The following WDPCP variants were observed in gnomAD, a reference collection of about 807,000 sequenced individuals.
WDPCP encodes WD repeat containing planar cell polarity effector.
WDPCP carries 71 observed loss-of-function variants against 93.1 expected under a neutral mutation model. The observed-to-expected ratio is 0.76, with a 90% CI of 0.63 to 0.93. The LOEUF (loss-of-function observed/expected upper bound fraction) is 0.93. Ranked by LOEUF, WDPCP falls within the 40% of genes least tolerant of loss-of-function variation. The pLI is 0.00. For missense variants in WDPCP, 844 were observed against 887.4 expected, an observed-to-expected ratio of 0.95 and a Z score of 0.62; for synonymous variants, 315 against 315.0, an observed-to-expected ratio of 1.00 and a Z score of 0.00.
chr2:63,153,616 AAG>A (rs747431166), intron 15 of WDPCP, 42 bp from the exon 16 acceptor site: 24 of 1,484,002 alleles, frequency 1.6e-5, no homozygotes, highest in Non-Finnish European at 1.9e-5. Flanking sequence ...AGGATTAAAA[AAG>A]AAAATTTTAA....
intron 12 of WDPCP, among the ~76,000 whole-genome samples, chr2:63,313,884 A>ATT (rs1165930717): frequency 1.2e-3 from 10 of 8,026 alleles, no homozygotes; most frequent in South Asian, 4.7e-3. Context: ...ATATATATAT[A>ATT]TATTTTTTTT....
intron 1 of WDPCP, among the ~76,000 whole-genome samples, chr2:63,547,011 C>T (rs1413314746): frequency 6.6e-6 from 1 of 151,480 alleles, no homozygotes; most frequent in Non-Finnish European, 1.5e-5. Context: ...GAATTAATTC[C>T]AGATTAGAGA....
intron 2 of WDPCP, among the ~76,000 whole-genome samples, chr2:63,701,385 T>G (rs1669047266): frequency 1.3e-5 from 2 of 152,170 alleles, no homozygotes; most frequent in South Asian, 4.1e-4. Flanking sequence ...AAGGAGAACC[T>G]TCATACACCG....
intron 13 of WDPCP, among the ~76,000 whole-genome samples, chr2:63,273,825 AC>A (rs1682856330): frequency 6.9e-6 from 1 of 144,940 alleles, no homozygotes; most frequent in African/African-American, 2.4e-5. Flanking sequence ...ACACACACAC[AC>A]GCACACACAC....
intron 1 of WDPCP, among the ~76,000 whole-genome samples, chr2:63,549,361 A>T (rs1327390351): frequency 6.6e-6 from 1 of 152,178 alleles, no homozygotes; most frequent in Non-Finnish European, 1.5e-5. Flanking sequence ...GAAATAATAA[A>T]ATTAGCAGAA....
At chr2:63,548,313 T>TA (rs1705310259) in intron 1 of WDPCP, among the ~76,000 whole-genome samples, 2 of 152,098 alleles carry the variant, frequency 1.3e-5, no homozygotes, top group Non-Finnish European at 2.9e-5. Context: ...AAATTATTTC[T>TA]AAAGACAGTC....
chr2:63,680,952 C>T (rs185227262), intron 2 of WDPCP, among the ~76,000 whole-genome samples: 1 of 152,182 alleles, frequency 6.6e-6, no homozygotes, highest in African/African-American at 2.4e-5. Flanking sequence ...CAGAAGGGAA[C>T]CTGCTGCCTT....
At position 63,433,813 on chromosome 2, in the gene WDPCP, C is replaced by A. The variant is rs531251663; in HGVS notation, c.757G>T (p.Ala253Ser). 6.2e-7 allele frequency: 1 copy of A among 1,613,762 alleles called. No individual in the cohort carries two copies. The highest frequency in any genetic ancestry group is 1.3e-5 in the African/African-American group (1 of 75,016). The change falls in exon 9 of 18, where the codon GCC (alanine) becomes TCC (serine). Residue 253 changes from alanine to serine, a missense_variant. Ala to Ser is a moderately conservative substitution (Grantham distance 99). Transcript: ENST00000272321. The part of the protein sequence containing the change: ...PLVNDDAWPW[A>S]PISSEKDRAN... The stretch of plus-strand genomic sequence containing the variant: ...CTGTCCTTCTCAGAAGAAATGGGGG[C>A]CCAAGGCCAAGCATCATCGTTGACC...
chr2:63,472,318 A>G (rs1182073596), intron 6 of WDPCP, among the ~76,000 whole-genome samples: 1 of 151,878 alleles, frequency 6.6e-6, no homozygotes, highest in Non-Finnish European at 1.5e-5. Context: ...AACTACAGAC[A>G]TGCCTTCAGT....
intron 2 of WDPCP, among the ~76,000 whole-genome samples, chr2:63,777,519 T>C (rs941658167): frequency 1.3e-5 from 2 of 152,298 alleles, no homozygotes; most frequent in African/African-American, 4.8e-5. Context: ...ACAACCCAAA[T>C]GTCTATCTGC....
chr2:63,743,324 A>C (rs1669751891), intron 2 of WDPCP, among the ~76,000 whole-genome samples: 1 of 152,100 alleles, frequency 6.6e-6, no homozygotes, highest in African/African-American at 2.4e-5. Context: ...TCAATGTTAG[A>C]GTCACACTTA....
intron 2 of WDPCP, among the ~76,000 whole-genome samples, chr2:63,811,826 G>A (rs1670867097): frequency 6.6e-6 from 1 of 151,982 alleles, no homozygotes; most frequent in Non-Finnish European, 1.5e-5. Flanking sequence ...TGTACCCACT[G>A]TTTAGCTCCC....
chr2:63,475,937 A>G (rs1421192118), intron 6 of WDPCP, among the ~76,000 whole-genome samples: 13 of 152,022 alleles, frequency 8.6e-5, no homozygotes, highest in Admixed American at 8.5e-4. Flanking sequence ...TCTCCTCTCA[A>G]ATTTTCAACA....
intron 9 of WDPCP, among the ~76,000 whole-genome samples, chr2:63,423,715 T>C (rs1696040732): frequency 6.6e-6 from 1 of 152,116 alleles, no homozygotes; most frequent in Non-Finnish European, 1.5e-5. Flanking sequence ...ACATTACTGA[T>C]AAAAGTTGGT....
intron 6 of WDPCP, among the ~76,000 whole-genome samples, chr2:63,449,956 G>A (rs1297879175): frequency 6.6e-6 from 1 of 152,180 alleles, no homozygotes; most frequent in African/African-American, 2.4e-5. Flanking sequence ...GGGGTCTCCA[G>A]TACTTTAGCC....
chr2:63,236,094 A>G (rs548934902), intron 14 of WDPCP, among the ~76,000 whole-genome samples: 2 of 152,300 alleles, frequency 1.3e-5, no homozygotes, highest in African/African-American at 4.8e-5. Flanking sequence ...TAAGTACTTC[A>G]CCAGGAGACT....
At chr2:63,731,991 A>G (rs563973258) in intron 2 of WDPCP, among the ~76,000 whole-genome samples, 1 of 152,336 alleles carries the variant, frequency 6.6e-6, no homozygotes, top group South Asian at 2.1e-4. Flanking sequence ...ATCAAGGCAA[A>G]TGTTACATGG....
In WDPCP at chr2:63,320,314, A is replaced by G. The variant is rs191460624; in HGVS notation, c.1749-7003T>C. 2.9e-3 allele frequency among the ~76,000 whole-genome samples: 435 copies of G among 152,338 alleles called. 2 individuals are homozygous for G. Among genetic ancestry groups the G allele is most frequent in the African/African-American group, 1.0e-2 (415 of 41,578 alleles). Reference sequence around the variant, plus strand: ...TTATCACAAGTAGAACTACACCGTAAGAAAGACTAAAAGAAGCTCTTTAGG... The same window carrying G: ...TTATCACAAGTAGAACTACACCGTAGGAAAGACTAAAAGAAGCTCTTTAGG... On this transcript the variant is annotated intron_variant, in intron 12 of 17. Coordinates refer to ENST00000272321, the MANE Select transcript of WDPCP (RefSeq NM_015910.7).
intron 2 of WDPCP, among the ~76,000 whole-genome samples, chr2:63,800,977 C>T (rs1426670181): frequency 1.3e-5 from 2 of 152,168 alleles, no homozygotes; most frequent in African/African-American, 4.8e-5. Context: ...TCACTTGAGT[C>T]CGGCAGGTCA....
Sources: gnomAD v4.1 joint callset for allele counts (sites outside exome capture counted in the v4.1 genomes callset) on GRCh38, gnomAD v4.1.1 for gene constraint, MANE v1.5 for transcripts, NCBI Gene and HGNC (gene_info 2026-07-23, HGNC 2026-07-21) for gene names.